Variants in STAC observed in about 807,000 individuals in gnomAD.
The protein encoded by STAC is SH3 and cysteine-rich domain-containing protein.
In STAC, 43 loss-of-function variants were observed where a neutral mutation model predicts 48.8. The observed-to-expected ratio is 0.88, with a 90% confidence interval of 0.69 to 1.14. STAC has a LOEUF of 1.14. STAC is among the 50% of genes most tolerant of loss of function. STAC has a pLI of 0.00. For missense variants in STAC, 497 were observed against 504.0 expected (o/e 0.99, Z 0.13); for synonymous variants, 193 against 179.5 (o/e 1.07, Z -0.60).
intron 1 of STAC, among the ~76,000 whole-genome samples, chr3:36,382,359 T>C (rs554673727): frequency 3.9e-5 from 6 of 152,240 alleles, no homozygotes; most frequent in Non-Finnish European, 8.8e-5. Flanking sequence ...AGTGGCATGG[T>C]TCAAATGCAT....
chr3:36,507,448 G>T (rs1698431088), intron 8 of STAC, among the ~76,000 whole-genome samples: 1 of 152,166 alleles, frequency 6.6e-6, no homozygotes. Flanking sequence ...AGTTAGGGAG[G>T]AGTCCCTCTT....
intron 10 of STAC, among the ~76,000 whole-genome samples, chr3:36,534,563 CTG>C (rs750583927): frequency 2.6e-5 from 4 of 151,724 alleles, no homozygotes; most frequent in Non-Finnish European, 5.9e-5. Flanking sequence ...TGGGGTTAAT[CTG>C]TCTCATAATT....
chr3:36,473,021 A>G (rs59865634), intron 2 of STAC, among the ~76,000 whole-genome samples: 4,753 of 152,264 alleles, frequency 0.031, 225 homozygotes, highest in African/African-American at 0.11. Context: ...ACAAAAAGAG[A>G]TTTAATTGGA....
At chr3:36,428,278 CTGAA>C in intron 1 of STAC, among the ~76,000 whole-genome samples, 1 of 152,256 alleles carries the variant, frequency 6.6e-6, no homozygotes, top group Non-Finnish European at 1.5e-5. Flanking sequence ...GAGAGACAGA[CTGAA>C]TGAAGTTTTT....
chr3:36,513,937 G>A (rs1698604030), intron 8 of STAC, among the ~76,000 whole-genome samples: 1 of 152,022 alleles, frequency 6.6e-6, no homozygotes, highest in Non-Finnish European at 1.5e-5. Context: ...AGTTGACCTG[G>A]GTTTAAGTCC....
chr3:36,423,843 T>C (rs772132755), intron 1 of STAC, among the ~76,000 whole-genome samples: 11 of 152,184 alleles, frequency 7.2e-5, no homozygotes, highest in Non-Finnish European at 1.5e-4. Flanking sequence ...TCTTTTCCTG[T>C]CTTAGGCTTT....
intron 10 of STAC, among the ~76,000 whole-genome samples, chr3:36,544,387 C>T (rs1380245301): frequency 1.3e-5 from 2 of 152,134 alleles, no homozygotes; most frequent in Non-Finnish European, 2.9e-5. Flanking sequence ...CCCGGCTGGT[C>T]ATGAACTCCT....
At position 36,453,459 on chromosome 3, in the gene STAC, GC is replaced by G. The variant is rs1396838282; in HGVS notation, c.388+9823del. Among the ~76,000 whole-genome samples, 12 of 152,300 alleles carry G rather than the reference GC, an allele frequency of 7.9e-5. No individual in the cohort carries two copies. In the East Asian group the frequency reaches 1.6e-3, roughly 20 times the overall value. On this transcript the variant is annotated intron_variant, in intron 2 of 10. Coordinates refer to ENST00000273183, the MANE Select transcript of STAC (RefSeq NM_003149.3). ...TCGGAGAGGCCGGCCGGCCCCACCG[GC>G]CCCGGGCAGTGAGGGTCTTAGCACC...
intron 1 of STAC, among the ~76,000 whole-genome samples, chr3:36,442,883 G>T (rs11717255): frequency 0.85 from 129,301 of 151,908 alleles, 55,461 homozygotes; most frequent in Non-Finnish European, 0.89. Context: ...TTAGCGAGAT[G>T]GATTTTGAGC....
intron 10 of STAC, among the ~76,000 whole-genome samples, chr3:36,532,326 T>C (rs753834287): frequency 1.3e-5 from 2 of 152,222 alleles, no homozygotes; most frequent in African/African-American, 4.8e-5. Flanking sequence ...TTTATAAAAA[T>C]TGCTTATATG....
In STAC at chr3:36,443,681, G is replaced by A. The variant is rs769278786; in HGVS notation, c.388+41G>A. The stretch of plus-strand genomic sequence containing the variant: ...CCTTTCTCCAGATCCCAGCACCCCC[G>A]GAAAGCTGAGTGAGAGTGGTGTGCC... On this transcript the variant is annotated intron_variant, in intron 2 of 10. Coordinates refer to ENST00000273183, the MANE Select transcript of STAC (RefSeq NM_003149.3). This position sits in a 1 kb window ranked among gnomAD's most constrained non-coding sequence, Gnocchi z 4.2. The A allele has an allele frequency of 5.5e-5, 88 of 1,594,974 alleles. No individual in the cohort carries two copies. The highest frequency in any genetic ancestry group is 1.7e-4 in the Middle Eastern group (1 of 6,052).
chr3:36,527,272 T>G (rs1698958586), intron 8 of STAC, among the ~76,000 whole-genome samples: 1 of 152,148 alleles, frequency 6.6e-6, no homozygotes, highest in South Asian at 2.1e-4. Flanking sequence ...AAGAAAGAAA[T>G]ATTGTTTTGA....
At chr3:36,460,917 T>C (rs1234555025) in intron 2 of STAC, among the ~76,000 whole-genome samples, 4 of 152,148 alleles carry the variant, frequency 2.6e-5, no homozygotes. Flanking sequence ...TCTTCAAAAA[T>C]AATAACATTT....
chr3:36,437,912 T>A (rs1441316713), intron 1 of STAC, among the ~76,000 whole-genome samples: 3 of 148,458 alleles, frequency 2.0e-5, no homozygotes, highest in East Asian at 2.0e-4. Flanking sequence ...CTCAGAGCAG[T>A]ACCCATGATA....
chr3:36,492,027 AAAAAATATATAT>A (rs1697989083), intron 5 of STAC, among the ~76,000 whole-genome samples: 4 of 18,332 alleles, frequency 2.2e-4, no homozygotes, highest in African/African-American at 3.9e-4. Context: ...AAAAAAAAAA[AAAAAATATATAT>A]ATATATATAT....
chr3:36,437,931 G>GTAGTTATTATTA (rs1553634753), intron 1 of STAC, among the ~76,000 whole-genome samples: 3 of 140,576 alleles, frequency 2.1e-5, no homozygotes, highest in Non-Finnish European at 4.6e-5. Flanking sequence ...TATTCATTGA[G>GTAGTTATTATTA]TTATTATTAT....
intron 5 of STAC, among the ~76,000 whole-genome samples, chr3:36,492,792 T>C (rs547525188): frequency 1.3e-5 from 2 of 152,340 alleles, no homozygotes; most frequent in African/African-American, 4.8e-5. Context: ...TAGAAAGAGC[T>C]AGCGTTTTAT....
chr3:36,507,624 C>A (rs891479081), intron 8 of STAC, among the ~76,000 whole-genome samples: 1 of 152,086 alleles, frequency 6.6e-6, no homozygotes, highest in African/African-American at 2.4e-5. Flanking sequence ...AGGGGTTTGA[C>A]TTCTTTCTGA....
Position 36,410,585 on chromosome 3 carries a change from C to T in STAC, c.111+29831C>T, listed in dbSNP as rs117475160. Among the ~76,000 whole-genome samples the T allele has an allele frequency of 3.9e-5, 6 of 152,212 alleles. No homozygotes were observed. The East Asian group carries it at 5.8e-4, about 15-fold the overall frequency. ...GCTACATGCTGACTGTATTTATATG[C>T]GTGTTTGGATATTTTCTGTTTGTTT... On this transcript the variant is annotated intron_variant, in intron 1 of 10. Coordinates refer to ENST00000273183, the MANE Select transcript of STAC (RefSeq NM_003149.3).
Sources: gnomAD v4.1 joint callset for allele counts (sites outside exome capture counted in the v4.1 genomes callset) on GRCh38, gnomAD v4.1.1 for gene constraint, Gnocchi (gnomAD v3.1) non-coding constraint, MANE v1.5 for transcripts, NCBI Gene and HGNC (gene_info 2026-07-23, HGNC 2026-07-21) for gene names.